WNT5B: variants seen among roughly 807,000 people sequenced by gnomAD.
The protein encoded by WNT5B is protein Wnt-5b.
A neutral mutation model predicts 36.5 loss-of-function variants in WNT5B; 18 were observed. That is an observed-to-expected ratio of 0.49 (90% CI 0.34 to 0.73). The LOEUF (loss-of-function observed/expected upper bound fraction) is 0.73. Among genes scored for constraint, WNT5B ranks in the 30% least tolerant of loss-of-function variants. WNT5B has a pLI of 0.01. For synonymous variants in WNT5B, 213 were observed against 212.3 expected (o/e 1.00, Z -0.03); for missense variants, 424 against 508.4 (o/e 0.83, Z 1.60).
chr12:1,640,784 C>G, intron 4 of WNT5B, among the ~76,000 whole-genome samples: 1 of 152,222 alleles, frequency 6.6e-6, no homozygotes, highest in East Asian at 1.9e-4. Flanking sequence ...TTTGCTGTCC[C>G]CCATCGTGGC....
rs150367775 is a variant in WNT5B, at chr12:1,620,072, T to G, written c.-58+2929T>G. On this transcript the variant is annotated intron_variant, in intron 1 of 4. Coordinates refer to the WNT5B transcript ENST00000310594. ...TAAATATTTTTGTTGTCTAATATAA[T>G]GCAGAAAATTGCATACAGCATAATA... 1.8e-3 allele frequency among the ~76,000 whole-genome samples: 273 copies of G among 152,344 alleles called. 1 individual carries two copies. The highest frequency in any genetic ancestry group is 6.2e-3 in the African/African-American group (259 of 41,572).
exon 1 of WNT5B, chr12:1,617,060 C>T (rs939823755): frequency 6.6e-6 from 1 of 152,184 alleles, no homozygotes; most frequent in African/African-American, 2.4e-5. Context: ...TTATCCTATT[C>T]TTCCAAATGG....
intron 1 of WNT5B, among the ~76,000 whole-genome samples, chr12:1,619,947 G>C (rs2094531655): frequency 6.6e-6 from 1 of 151,854 alleles, no homozygotes; most frequent in African/African-American, 2.4e-5. Flanking sequence ...AAATAAAAAA[G>C]GTCACATGCC....
At chr12:1,624,481 GC>G (rs2094538473), upstream of WNT5B, among the ~76,000 whole-genome samples, 1 of 151,720 alleles carries the variant, frequency 6.6e-6, no homozygotes, top group African/African-American at 2.4e-5. Flanking sequence ...TGGATTCCAA[GC>G]CAGGGTCAAC....
rs2270036 is a variant in WNT5B at position 1,639,668 on chromosome 12, T to C, written c.329-16T>C. The C allele has an allele frequency of 0.81, 1,225,378 of 1,513,916 alleles. 496,788 individuals are homozygous for C. The highest frequency in any genetic ancestry group is 0.87 in the Admixed American group (39,609 of 45,422). The allele number at this position is 1,513,916 out of a possible 1,614,324, so 93.8% of individuals were successfully genotyped here. On this transcript the variant is annotated splice_polypyrimidine_tract_variant and intron_variant, in intron 3 of 4. Transcript: ENST00000397196. ...AGGAGAGCGCACCCGCTTACCGCCC[T>C]GGCCTCATTCTGCAGGCAGCCGAGA...
chr12:1,617,644 GAAA>G (rs1409494246), intron 1 of WNT5B, among the ~76,000 whole-genome samples: 1 of 151,832 alleles, frequency 6.6e-6, no homozygotes, highest in Admixed American at 6.6e-5. Flanking sequence ...AAAAAGAAAA[GAAA>G]AAGAAAAAAG....
exon 1 of WNT5B, chr12:1,617,095 G>T (rs556692834): frequency 7.2e-5 from 11 of 152,176 alleles, no homozygotes; most frequent in African/African-American, 2.7e-4. Context: ...TGAAGCAGAA[G>T]GTTGACAGCT....
intron 3 of WNT5B, among the ~76,000 whole-genome samples, chr12:1,638,271 A>G (rs573964864): frequency 6.6e-6 from 1 of 152,212 alleles, no homozygotes; most frequent in African/African-American, 2.4e-5. Flanking sequence ...AACAAACAAA[A>G]AAACACAACA....
rs2154439168 is a variant in WNT5B, at chr12:1,618,064, C to T, written c.-58+921C>T. The stretch of plus-strand genomic sequence containing the variant: ...GGCTGAGGTGGGAGGATCGCTTGAG[C>T]CCAGGAGTTCGAGGCTGCAGTGAGC... On this transcript the variant is annotated intron_variant, in intron 1 of 4. Transcript: ENST00000310594. The surrounding 1 kb of genome is among the most constrained non-coding windows in gnomAD (Gnocchi z 4.1). 6.6e-6 allele frequency among the ~76,000 whole-genome samples: 1 copy of T among 152,204 alleles called. No individual in the cohort carries two copies. The highest frequency in any genetic ancestry group is 1.9e-4 in the East Asian group (1 of 5,186).
chr12:1,636,631 C>T (rs1327065590), intron 3 of WNT5B, among the ~76,000 whole-genome samples: 1 of 150,290 alleles, frequency 6.7e-6, no homozygotes. Flanking sequence ...GCCTCCAACT[C>T]CTGGGCTTAA....
Position 1,639,708 on chromosome 12 carries a change from A to C in WNT5B, c.353A>C (p.His118Pro). The part of the protein sequence containing the change: ...QIGSRETAFT[H>P]AVSAAGVVNA... ...GGCAGCCGAGAGACCGCCTTCACCC[A>C]CGCGGTGAGCGCCGCGGGCGTGGTC... Residue 118 changes from histidine (H) to proline (P), a missense_variant, in exon 4 of 5, where the codon CAC becomes CCC. By Grantham distance (77) the His-to-Pro change is moderately conservative. Transcript: ENST00000397196. The C allele has an allele frequency of 6.3e-7, 1 of 1,581,470 alleles. No individual in the cohort carries two copies. Among genetic ancestry groups the C allele is most frequent in the Non-Finnish European group, 8.6e-7 (1 of 1,167,608 alleles).
intron 1 of WNT5B, among the ~76,000 whole-genome samples, chr12:1,617,790 G>T (rs1476748216): frequency 6.6e-6 from 1 of 152,138 alleles, no homozygotes; most frequent in Non-Finnish European, 1.5e-5. Flanking sequence ...TAGAGAACCT[G>T]TGTGCCACCC....
intron 4 of WNT5B, among the ~76,000 whole-genome samples, chr12:1,640,332 G>A (rs916552420): frequency 3.9e-5 from 6 of 152,204 alleles, no homozygotes; most frequent in Non-Finnish European, 7.3e-5. Context: ...AATAGATAAT[G>A]CGATGGGATG....
intron 3 of WNT5B, 27 bp from the exon 4 acceptor site, chr12:1,639,657 G>A (rs138994830): frequency 1.9e-5 from 28 of 1,481,696 alleles, no homozygotes; most frequent in Non-Finnish European, 8.9e-7. Context: ...GAGCGCACCC[G>A]CTTACCGCCC....
chr12:1,619,741 G>A (rs1186997575), intron 1 of WNT5B, among the ~76,000 whole-genome samples: 1 of 152,088 alleles, frequency 6.6e-6, no homozygotes, highest in Non-Finnish European at 1.5e-5. Flanking sequence ...GTCGGCTCCT[G>A]GCGTAGCGGC....
intron 1 of WNT5B, among the ~76,000 whole-genome samples, chr12:1,621,298 G>C (rs1274155429): frequency 6.6e-6 from 1 of 152,118 alleles, no homozygotes; most frequent in Non-Finnish European, 1.5e-5. Flanking sequence ...TTGGAAGACA[G>C]AGAACACGCA....
In WNT5B at chr12:1,644,766, G is replaced by GT. The variant is rs1282301908; in HGVS notation, c.622-1027dup. 1 of 152,260 alleles carries GT rather than the reference G, an allele frequency of 6.6e-6. No homozygotes were observed. Among genetic ancestry groups the GT allele is most frequent in the Non-Finnish European group, 1.5e-5 (1 of 68,042 alleles). The allele number at this position is 152,260 out of a possible 1,614,324, so 9.4% of individuals were successfully genotyped here. A position where few individuals can be genotyped will look rare whatever the true frequency, so the allele number is the denominator to read the frequency against. ...GCATGCTGCCGTTGAAAAGCACTCT[G>GT]TAAGCAGCTTTCTGGTCTGCTCTTG... On this transcript the variant is annotated intron_variant, in intron 4 of 4. Transcript: ENST00000397196. The surrounding 1 kb of genome is among the most constrained non-coding windows in gnomAD (Gnocchi z 5.1).
intron 4 of WNT5B, chr12:1,645,084 T>G (rs2094582799): frequency 6.6e-6 from 1 of 152,256 alleles, no homozygotes; most frequent in African/African-American, 2.4e-5. Flanking sequence ...AAGGGACCAT[T>G]TAATTCTCAG....
At chr12:1,620,185 A>T (rs540195076) in intron 1 of WNT5B, among the ~76,000 whole-genome samples, 1 of 152,278 alleles carries the variant, frequency 6.6e-6, no homozygotes, top group South Asian at 2.1e-4. Context: ...TATCCCAGGA[A>T]CTTCCTCGAG....
Sources: allele counts gnomAD v4.1 joint callset (sites outside exome capture counted in the v4.1 genomes callset), GRCh38; gene constraint gnomAD v4.1.1; non-coding constraint Gnocchi (gnomAD v3.1); transcripts MANE v1.5; gene names NCBI Gene and HGNC (gene_info 2026-07-23, HGNC 2026-07-21).